CDH1: variants seen among roughly 807,000 people sequenced by gnomAD.
CDH1 encodes the protein cadherin 1.
CDH1 carries 35 observed loss-of-function variants against 84.5 expected under a neutral mutation model. That is an observed-to-expected ratio of 0.41 (90% CI 0.32 to 0.55). CDH1 has a LOEUF of 0.55. Ranked by LOEUF, CDH1 falls within the 20% of genes least tolerant of loss-of-function variation. The pLI is 0.19. For synonymous variants in CDH1, 417 were observed against 439.0 expected (o/e 0.95, Z 0.63); for missense variants, 994 against 1,126.6 (o/e 0.88, Z 1.68).
intron 2 of CDH1, among the ~76,000 whole-genome samples, chr16:68,783,980 A>C (rs1161347614): frequency 1.3e-5 from 2 of 152,062 alleles, no homozygotes; most frequent in African/African-American, 4.8e-5. Context: ...CCAGCCCTTC[A>C]TGATTTTTAA....
At chr16:68,791,474 G>A (rs1960207079) in intron 2 of CDH1, among the ~76,000 whole-genome samples, 1 of 152,118 alleles carries the variant, frequency 6.6e-6, no homozygotes, top group African/African-American at 2.4e-5. Context: ...CCAGGCTGGA[G>A]TGCAGTGGCA....
At chr16:68,787,645 A>G (rs1960092568) in intron 2 of CDH1, among the ~76,000 whole-genome samples, 2 of 151,510 alleles carry the variant, frequency 1.3e-5, no homozygotes, top group African/African-American at 2.4e-5. Flanking sequence ...TGCCCAGCCT[A>G]TAACTATTGT....
At chr16:68,775,155 C>G (rs1959694906) in intron 2 of CDH1, among the ~76,000 whole-genome samples, 1 of 151,732 alleles carries the variant, frequency 6.6e-6, no homozygotes, top group African/African-American at 2.4e-5. Context: ...AAAAGAACAC[C>G]CTCATTTTAC....
At chr16:68,787,646 T>C (rs959970040) in intron 2 of CDH1, among the ~76,000 whole-genome samples, 1 of 150,246 alleles carries the variant, frequency 6.7e-6, no homozygotes, top group African/African-American at 2.5e-5. Context: ...GCCCAGCCTA[T>C]AACTATTGTT....
rs781543245 is a variant in CDH1 at position 68,819,152 on chromosome 16, G to T, written c.1566-128G>T. On this transcript the variant is annotated intron_variant, in intron 10 of 15. Coordinates refer to ENST00000261769, the MANE Select transcript of CDH1 (RefSeq NM_004360.5). ...ATTACAGGCATGAGCCACCGCGACC[G>T]GCCTATTGTTGGTTTTCAAAATAAA... The T allele has an allele frequency of 3.8e-6, 4 of 1,041,112 alleles. No homozygotes were observed. The East Asian group carries it at 9.9e-5, about 26-fold the overall frequency. 64.5% of individuals were successfully genotyped at this position (1,041,112 alleles called of 1,614,324 possible).
intron 3 of CDH1, among the ~76,000 whole-genome samples, chr16:68,808,197 G>C (rs1960718105): frequency 1.3e-5 from 2 of 152,186 alleles, no homozygotes; most frequent in Admixed American, 6.5e-5. Context: ...AGGATAAAAA[G>C]AGAATGCAGT....
At chr16:68,739,970 T>C (rs1356360443) in intron 2 of CDH1, among the ~76,000 whole-genome samples, 3 of 152,126 alleles carry the variant, frequency 2.0e-5, no homozygotes, top group Non-Finnish European at 4.4e-5. Context: ...AGGATGAAAA[T>C]GCATACACCC....
At chr16:68,820,454 A>G (rs1416547362) in intron 11 of CDH1, among the ~76,000 whole-genome samples, 1 of 150,894 alleles carries the variant, frequency 6.6e-6, no homozygotes. Context: ...AGGTTCAAGC[A>G]ATTGTCCTAC....
Position 68,787,118 on chromosome 16 carries a change from T to G in CDH1, c.164-14552T>G, listed in dbSNP as rs545513448. Among the ~76,000 whole-genome samples the G allele has an allele frequency of 4.6e-5, 7 of 152,328 alleles. No homozygotes were observed. In the South Asian group the frequency reaches 1.4e-3, roughly 32 times the overall value. ...GTGCTTGGAAAATGTGGCCCTAGATTGATGCGTGTTTATATCTGGGTTGTG... is the reference window on the plus strand; with the variant it reads ...GTGCTTGGAAAATGTGGCCCTAGATGGATGCGTGTTTATATCTGGGTTGTG... On this transcript the variant is annotated intron_variant, in intron 2 of 15. Transcript: ENST00000261769.
chr16:68,781,745 C>T (rs1959884633), intron 2 of CDH1, among the ~76,000 whole-genome samples: 1 of 152,158 alleles, frequency 6.6e-6, no homozygotes, highest in African/African-American at 2.4e-5. Context: ...GCTGGGATTA[C>T]AGGCCTGAGC....
chr16:68,794,852 AT>A (rs10716052), intron 2 of CDH1, among the ~76,000 whole-genome samples: 53,984 of 144,370 alleles, frequency 0.37, 10,369 homozygotes, highest in African/African-American at 0.5. Context: ...ATGCCCAGCT[AT>A]TTTTTTTTTT....
Position 68,742,523 on chromosome 16 carries a change from G to A in CDH1, c.163+4112G>A, listed in dbSNP as rs796561491. The A allele has an allele frequency of 8.2e-5, 13 of 158,336 alleles. 1 individual carries two copies. Among genetic ancestry groups the A allele is most frequent in the African/African-American group, 3.1e-4 (13 of 41,646 alleles). 9.8% of individuals were successfully genotyped at this position (158,336 alleles called of 1,614,324 possible). ...AACGCGCCCGATCTCGTCTGATCTC[G>A]GAAGCTAAGCAGGGTCGGGCCTGGT... is the stretch of plus-strand genomic sequence containing the variant. On this transcript the variant is annotated intron_variant, in intron 2 of 15. Coordinates refer to ENST00000261769, the MANE Select transcript of CDH1 (RefSeq NM_004360.5).
intron 11 of CDH1, among the ~76,000 whole-genome samples, chr16:68,820,752 C>G (rs1029289220): frequency 6.6e-6 from 1 of 152,090 alleles, no homozygotes; most frequent in African/African-American, 2.4e-5. Context: ...GTGGGTCCTT[C>G]CAGACTGCTT....
chr16:68,785,849 C>T (rs1438835463), intron 2 of CDH1, among the ~76,000 whole-genome samples: 2 of 152,142 alleles, frequency 1.3e-5, no homozygotes, highest in African/African-American at 4.8e-5. Flanking sequence ...GTTTTGCTAG[C>T]ACAAACAATG....
chr16:68,742,676 C>A (rs1441897344), intron 2 of CDH1: 1 of 152,402 alleles, frequency 6.6e-6, no homozygotes, highest in Admixed American at 6.6e-5. Context: ...CCACCTTGGC[C>A]TCCCAAAGTG....
intron 15 of CDH1, among the ~76,000 whole-genome samples, chr16:68,831,680 C>T (rs1352992127): frequency 5.9e-5 from 9 of 151,858 alleles, no homozygotes; most frequent in Admixed American, 3.9e-4. Flanking sequence ...GCTGGGATTA[C>T]AGGCACCACT....
At chr16:68,829,953 C>CTTTTTTTTTTTTTTTTT (rs67262350) in intron 15 of CDH1, among the ~76,000 whole-genome samples, 156 bp downstream of exon 15, 15 of 102,190 alleles carry the variant, frequency 1.5e-4, no homozygotes, top group African/African-American at 6.6e-4. Context: ...CTTTTTTTTT[C>CTTTTTTTTTTTTTTTTT]TTTTTCTTTT....
At chr16:68,832,539 G>A (rs1023285615) in intron 15 of CDH1, among the ~76,000 whole-genome samples, 1 of 151,978 alleles carries the variant, frequency 6.6e-6, no homozygotes, top group African/African-American at 2.4e-5. Flanking sequence ...TAAAGAAAAG[G>A]CCGGGTGCAG....
chr16:68,816,928 C>T (rs982411992), intron 10 of CDH1, among the ~76,000 whole-genome samples: 1 of 152,132 alleles, frequency 6.6e-6, no homozygotes. Context: ...TGATGAAACC[C>T]TGGATTGTAC....
Sources: gnomAD v4.1 joint callset for allele counts (sites outside exome capture counted in the v4.1 genomes callset) on GRCh38, gnomAD v4.1.1 for gene constraint, MANE v1.5 for transcripts, NCBI Gene and HGNC (gene_info 2026-07-23, HGNC 2026-07-21) for gene names.